Variants in CNTN5 observed in about 807,000 individuals in gnomAD.
The protein encoded by CNTN5 is contactin 5, also known as contactin-5.
In CNTN5, 77 loss-of-function variants were observed where a neutral mutation model predicts 129.1. The ratio of observed to expected loss-of-function variants is 0.60; its 90% CI spans 0.50 to 0.72. The LOEUF is 0.72. Among genes scored for constraint, CNTN5 ranks in the 30% least tolerant of loss-of-function variants. CNTN5 has a pLI of 0.00. For synonymous variants in CNTN5, 509 were observed against 465.6 expected, an observed-to-expected ratio of 1.09 and a Z score of -1.20; for missense variants, 1,478 against 1,328.8, an observed-to-expected ratio of 1.11 and a Z score of -1.75.
chr11:100,049,274 A>G (rs1942839616), intron 9 of CNTN5, among the ~76,000 whole-genome samples: 1 of 152,164 alleles, frequency 6.6e-6, no homozygotes, highest in East Asian at 1.9e-4. Context: ...AATGTGTATG[A>G]AAAGAATGGC....
chr11:100,104,415 G>C (rs1565243207), intron 13 of CNTN5, among the ~76,000 whole-genome samples: 1 of 151,870 alleles, frequency 6.6e-6, no homozygotes, highest in Middle Eastern at 3.4e-3. Flanking sequence ...TAGTTTTTAG[G>C]CATCATAGTG....
intron 1 of CNTN5, among the ~76,000 whole-genome samples, chr11:99,311,709 AAT>A (rs1865123184): frequency 6.6e-6 from 1 of 152,176 alleles, no homozygotes; most frequent in South Asian, 2.1e-4. Context: ...TCTTTAAATC[AAT>A]AGTGTTAGTA....
At chr11:99,580,002 C>G (rs7934412) in intron 3 of CNTN5, among the ~76,000 whole-genome samples, 137,480 of 151,208 alleles carry the variant, frequency 0.91, 62,667 homozygotes, top group East Asian at 1. Flanking sequence ...TGAGATACGT[C>G]CCATCAATAT....
At chr11:100,013,739 C>G (rs564978437) in intron 9 of CNTN5, among the ~76,000 whole-genome samples, 1 of 152,240 alleles carries the variant, frequency 6.6e-6, no homozygotes, top group South Asian at 2.1e-4. Context: ...GAAATGTTTC[C>G]CTAACAGTTA....
At chr11:99,818,016 C>T (rs1946649962) in intron 3 of CNTN5, among the ~76,000 whole-genome samples, 1 of 152,132 alleles carries the variant, frequency 6.6e-6, no homozygotes, top group Non-Finnish European at 1.5e-5. Context: ...TCAGAGAAAT[C>T]ATATTTACAG....
chr11:100,244,347 A>G (rs1949801029), intron 16 of CNTN5, among the ~76,000 whole-genome samples: 1 of 151,902 alleles, frequency 6.6e-6, no homozygotes, highest in South Asian at 2.1e-4. Context: ...TCACTGAAAA[A>G]CTCATCCCTC....
intron 1 of CNTN5, among the ~76,000 whole-genome samples, chr11:99,058,383 A>C (rs886717209): frequency 2.0e-5 from 3 of 151,974 alleles, no homozygotes; most frequent in African/African-American, 4.8e-5. Context: ...ATAAACACAC[A>C]AATAGTAGAG....
At chr11:99,462,165 C>T (rs1001986986) in intron 2 of CNTN5, among the ~76,000 whole-genome samples, 61 of 152,174 alleles carry the variant, frequency 4.0e-4, no homozygotes, top group African/African-American at 1.4e-3. Context: ...TACATGATCA[C>T]TCTCTGTATT....
chr11:99,713,276 GCT>G (rs1195635250), intron 3 of CNTN5, among the ~76,000 whole-genome samples: 1 of 151,942 alleles, frequency 6.6e-6, no homozygotes, highest in African/African-American at 2.4e-5. Context: ...TCATGATTTG[GCT>G]CTCTGTTTTT....
chr11:99,896,306 T>A (rs1949204995), intron 6 of CNTN5, among the ~76,000 whole-genome samples: 1 of 152,130 alleles, frequency 6.6e-6, no homozygotes, highest in Non-Finnish European at 1.5e-5. Flanking sequence ...ATCACTGCGG[T>A]CATGGCTCTG....
At chr11:99,489,921 C>T (rs542404908) in intron 2 of CNTN5, among the ~76,000 whole-genome samples, 1 of 152,188 alleles carries the variant, frequency 6.6e-6, no homozygotes, top group Non-Finnish European at 1.5e-5. Flanking sequence ...AAGATAAATA[C>T]TTTTGCATAT....
rs181570993 is a variant in CNTN5, at chr11:99,411,196, T to C, written c.-71+85712T>C. 2.7e-3 allele frequency among the ~76,000 whole-genome samples: 417 copies of C among 152,282 alleles called. 1 individual carries two copies. The highest frequency in any genetic ancestry group is 6.8e-3 in the Middle Eastern group (2 of 294). On this transcript the variant is annotated intron_variant, in intron 2 of 24. Coordinates refer to ENST00000524871, the MANE Select transcript of CNTN5 (RefSeq NM_014361.4). ...CTTGTCTGTTGAAATTTCCACAATA[T>C]ATAATTACAATTTTTCAGTTGAGGA...
At chr11:99,063,195 G>A (rs919702935) in intron 1 of CNTN5, among the ~76,000 whole-genome samples, 2 of 152,040 alleles carry the variant, frequency 1.3e-5, no homozygotes, top group African/African-American at 2.4e-5. Context: ...AGTAAAAGGA[G>A]CTTTCAAGAA....
chr11:99,794,918 A>G (rs1198853986), intron 3 of CNTN5, among the ~76,000 whole-genome samples: 1 of 152,056 alleles, frequency 6.6e-6, no homozygotes, highest in African/African-American at 2.4e-5. Flanking sequence ...GCTGTCCTGT[A>G]TAATATCTTG....
At chr11:99,323,043 A>C (rs902447221) in intron 1 of CNTN5, among the ~76,000 whole-genome samples, 17 of 152,202 alleles carry the variant, frequency 1.1e-4, no homozygotes, top group Non-Finnish European at 2.4e-4. Context: ...AATGGAGAGA[A>C]AAATATAGGT....
At chr11:100,291,971 A>G in intron 18 of CNTN5, among the ~76,000 whole-genome samples, 1 of 151,838 alleles carries the variant, frequency 6.6e-6, no homozygotes, top group Non-Finnish European at 1.5e-5. Context: ...CTCAGCCTCA[A>G]ATAAATCCTA....
chr11:99,041,249 A>G (rs1307975576), intron 1 of CNTN5, among the ~76,000 whole-genome samples: 1 of 152,028 alleles, frequency 6.6e-6, no homozygotes, highest in Non-Finnish European at 1.5e-5. Flanking sequence ...CTTTTGTTCA[A>G]TCATTTATTC....
chr11:100,077,856 A>G (rs1268393407), intron 13 of CNTN5, among the ~76,000 whole-genome samples: 1 of 151,962 alleles, frequency 6.6e-6, no homozygotes, highest in East Asian at 1.9e-4. Context: ...ATAAAATAAG[A>G]TCAAAAAGAA....
chr11:99,323,460 A>G (rs1370208406), intron 1 of CNTN5, among the ~76,000 whole-genome samples: 1 of 152,162 alleles, frequency 6.6e-6, no homozygotes, highest in Non-Finnish European at 1.5e-5. Context: ...TTCTTTTGCT[A>G]TGTTAGTTCA....
Sources: allele counts gnomAD v4.1 joint callset (sites outside exome capture counted in the v4.1 genomes callset), GRCh38; gene constraint gnomAD v4.1.1; transcripts MANE v1.5; gene names NCBI Gene and HGNC (gene_info 2026-07-23, HGNC 2026-07-21).